Variants in DNAJC6 observed in about 807,000 individuals in gnomAD.
DNAJC6 encodes the protein auxilin.
A neutral mutation model predicts 110.0 loss-of-function variants in DNAJC6; 34 were observed. The observed-to-expected ratio is 0.31, with a 90% CI of 0.24 to 0.41. The LOEUF (loss-of-function observed/expected upper bound fraction) is 0.41. Among genes scored for constraint, DNAJC6 ranks in the 10% least tolerant of loss-of-function variants. The pLI is 1.00. For synonymous variants in DNAJC6, 406 were observed against 437.2 expected, an observed-to-expected ratio of 0.93 and a Z score of 0.89; for missense variants, 1,031 against 1,207.8, an observed-to-expected ratio of 0.85 and a Z score of 2.17.
intron 5 of DNAJC6, among the ~76,000 whole-genome samples, chr1:65,381,740 C>A (rs547707486): frequency 6.6e-6 from 1 of 152,072 alleles, no homozygotes; most frequent in African/African-American, 2.4e-5. Context: ...TTTTTTAAAA[C>A]TGTGTTTGGA....
At chr1:65,310,990 T>C (rs560282077) in intron 1 of DNAJC6, among the ~76,000 whole-genome samples, 1 of 152,290 alleles carries the variant, frequency 6.6e-6, no homozygotes, top group South Asian at 2.1e-4. Flanking sequence ...CAAATGCTTG[T>C]TTATTTTAAT....
At chr1:65,296,961 A>G (rs1469909931) in intron 1 of DNAJC6, among the ~76,000 whole-genome samples, 1 of 152,176 alleles carries the variant, frequency 6.6e-6, no homozygotes, top group Non-Finnish European at 1.5e-5. Context: ...TTCTGCTATC[A>G]TGGAGCTTAC....
chr1:65,314,400 A>G (rs1645129482), intron 1 of DNAJC6, among the ~76,000 whole-genome samples: 1 of 152,160 alleles, frequency 6.6e-6, no homozygotes, highest in Non-Finnish European at 1.5e-5. Flanking sequence ...TAATAAACAT[A>G]TATGTACTAA....
Position 65,370,425 on chromosome 1 carries a change from G to A in DNAJC6, c.543+4229G>A, listed in dbSNP as rs551290159. Among the ~76,000 whole-genome samples the A allele has an allele frequency of 3.3e-5, 5 of 152,136 alleles. No individual in the cohort carries two copies. The South Asian group carries it at 6.2e-4, about 19-fold the overall frequency. On this transcript the variant is annotated intron_variant, in intron 4 of 18. Transcript: ENST00000371069. ...ACTCCATGCATATGTGTGTGTATGC[G>A]TGTATACACTGGTTTGGTTTCTGCA...
chr1:65,286,906 T>C (rs1654035079), intron 1 of DNAJC6, among the ~76,000 whole-genome samples: 1 of 152,192 alleles, frequency 6.6e-6, no homozygotes, highest in Admixed American at 6.5e-5. Flanking sequence ...ATCAGAGAGC[T>C]AATAGATAGT....
upstream of DNAJC6, among the ~76,000 whole-genome samples, chr1:65,306,893 A>T (rs1645043776): frequency 1.3e-5 from 2 of 151,880 alleles, no homozygotes; most frequent in African/African-American, 4.8e-5. Flanking sequence ...CCAGGCGCTG[A>T]GCTTAAAGCT....
chr1:65,289,397 G>A (rs1009037520), intron 1 of DNAJC6, among the ~76,000 whole-genome samples: 7 of 152,008 alleles, frequency 4.6e-5, no homozygotes, highest in Admixed American at 2.0e-4. Flanking sequence ...GGGTTTTGCC[G>A]TGTTGGCCAA....
chr1:65,391,959 G>A (rs1645931452), intron 11 of DNAJC6, among the ~76,000 whole-genome samples: 2 of 152,152 alleles, frequency 1.3e-5, no homozygotes, highest in South Asian at 4.1e-4. Context: ...TGTATTATTA[G>A]TAGAGATGGG....
intron 1 of DNAJC6, among the ~76,000 whole-genome samples, chr1:65,298,485 T>C (rs1644947505): frequency 6.6e-6 from 1 of 152,210 alleles, no homozygotes; most frequent in African/African-American, 2.4e-5. Context: ...TTTGCCACAA[T>C]TCTAGTACAG....
Position 65,386,662 on chromosome 1 carries a change from C to A in DNAJC6, c.996-150C>A, listed in dbSNP as rs1645875763. 3 of 646,156 alleles carry A rather than the reference C, an allele frequency of 4.6e-6. No individual in the cohort carries two copies. In the South Asian group the frequency reaches 5.8e-5, roughly 13 times the overall value. 40.0% of individuals were successfully genotyped at this position (646,156 alleles called of 1,614,324 possible). A position where few individuals can be genotyped will look rare whatever the true frequency, so the allele number is the denominator to read the frequency against. ...ACAACCAGTTGGCACTGGCTGCACTCCTGTTTTTGCTCAAGATAGGAAATA... is the reference window on the plus strand; with the variant it reads ...ACAACCAGTTGGCACTGGCTGCACTACTGTTTTTGCTCAAGATAGGAAATA... On this transcript the variant is annotated intron_variant, in intron 7 of 18. Transcript: ENST00000371069.
At chr1:65,296,748 G>T (rs1202517406) in intron 1 of DNAJC6, among the ~76,000 whole-genome samples, 1 of 151,970 alleles carries the variant, frequency 6.6e-6, no homozygotes, top group Non-Finnish European at 1.5e-5. Flanking sequence ...CACCACGCCT[G>T]GCTAATTATT....
At chr1:65,345,292 A>C (rs1233610412) in intron 1 of DNAJC6, among the ~76,000 whole-genome samples, 2 of 150,314 alleles carry the variant, frequency 1.3e-5, no homozygotes, top group Admixed American at 1.3e-4. Flanking sequence ...GATCTCCTCC[A>C]CTTTCCCATA....
chr1:65,311,546 T>C (rs1315990638), intron 1 of DNAJC6, among the ~76,000 whole-genome samples: 1 of 152,116 alleles, frequency 6.6e-6, no homozygotes, highest in East Asian at 1.9e-4. Flanking sequence ...ATTGATGTTG[T>C]ATGTGGTTAT....
intron 1 of DNAJC6, among the ~76,000 whole-genome samples, chr1:65,283,858 G>T (rs1047782979): frequency 2.0e-5 from 3 of 152,126 alleles, no homozygotes; most frequent in African/African-American, 4.8e-5. Flanking sequence ...TGGTGGGTGT[G>T]TAGTGATACA....
chr1:65,360,467 A>T (rs1645586865), intron 1 of DNAJC6, among the ~76,000 whole-genome samples: 1 of 152,194 alleles, frequency 6.6e-6, no homozygotes, highest in Non-Finnish European at 1.5e-5. Flanking sequence ...TAAAACTGAG[A>T]GTTGAAGAGA....
At chr1:65,272,572 T>C (rs1653538925) in intron 1 of DNAJC6, among the ~76,000 whole-genome samples, 1 of 152,258 alleles carries the variant, frequency 6.6e-6, no homozygotes, top group Admixed American at 6.5e-5. Flanking sequence ...TTCCTATTTC[T>C]CTATTCCCTG....
chr1:65,381,197 G>C (rs1013243388), intron 5 of DNAJC6, among the ~76,000 whole-genome samples: 1 of 151,808 alleles, frequency 6.6e-6, no homozygotes, highest in South Asian at 2.1e-4. Flanking sequence ...GATTACAGGC[G>C]TGACCCCACC....
chr1:65,271,403 T>C lies in DNAJC6; in HGVS notation c.-131+6471T>C, dbSNP rs145625077. Among the ~76,000 whole-genome samples the C allele has an allele frequency of 2.3e-3, 345 of 152,288 alleles. 1 individual carries two copies. The highest frequency in any genetic ancestry group is 3.8e-3 in the Non-Finnish European group (256 of 68,010). On this transcript the variant is annotated intron_variant, in intron 1 of 19. Transcript: ENST00000263441. ...GTGCCTATTGATCAGCATTGCCCCTTTCCCTGCCCATGCCCCCACCTCCCA... is the reference window on the plus strand; with the variant it reads ...GTGCCTATTGATCAGCATTGCCCCTCTCCCTGCCCATGCCCCCACCTCCCA...
At position 65,271,574 on chromosome 1, in the gene DNAJC6, A is replaced by G. The variant is rs559372871; in HGVS notation, c.-131+6642A>G. ...TTGTTTATTCCTGGGATGTAGAAAT[A>G]GAATTGATTAGGCCGGGTGCGGTGG... On this transcript the variant is annotated intron_variant, in intron 1 of 19. Coordinates refer to the DNAJC6 transcript ENST00000263441. Among the ~76,000 whole-genome samples the G allele has an allele frequency of 1.4e-3, 219 of 152,272 alleles. 2 individuals are homozygous for G. The highest frequency in any genetic ancestry group is 4.7e-3 in the African/African-American group (194 of 41,554).
Sources: gnomAD v4.1 joint callset for allele counts (sites outside exome capture counted in the v4.1 genomes callset) on GRCh38, gnomAD v4.1.1 for gene constraint, MANE v1.5 for transcripts, NCBI Gene and HGNC (gene_info 2026-07-23, HGNC 2026-07-21) for gene names.